JPH3: variants seen among roughly 807,000 people sequenced by gnomAD.
JPH3 encodes the protein junctophilin-3.
A neutral mutation model predicts 59.6 loss-of-function variants in JPH3; 11 were observed. That is an observed-to-expected ratio of 0.18 (90% CI 0.12 to 0.31). The LOEUF (loss-of-function observed/expected upper bound fraction) is 0.31. Among genes scored for constraint, JPH3 ranks in the 10% least tolerant of loss-of-function variants. The probability of loss-of-function intolerance (pLI) is 1.00; values close to 1 mark genes in which losing one functional copy is unlikely to be tolerated. For missense variants in JPH3, 1,202 were observed against 1,105.7 expected (o/e 1.09, Z -1.24); for synonymous variants, 673 against 483.6 (o/e 1.39, Z -5.14).
At position 87,615,493 on chromosome 16, in the gene JPH3, C is replaced by T. The variant is rs183635156; in HGVS notation, c.382+11965C>T. Reference sequence around the variant, plus strand: ...CCTGCCCAGTGAGTGGGGCCGGGCCCTGGAGCTTTCCCTGTTCATTTGTTT... The same window carrying T: ...CCTGCCCAGTGAGTGGGGCCGGGCCTTGGAGCTTTCCCTGTTCATTTGTTT... On this transcript the variant is annotated intron_variant, in intron 1 of 4. Transcript: ENST00000284262. Among the ~76,000 whole-genome samples, 385 of 152,324 alleles carry T rather than the reference C, an allele frequency of 2.5e-3. 3 individuals carry two copies. Among genetic ancestry groups the T allele is most frequent in the Admixed American group, 8.6e-3 (131 of 15,304 alleles).
At chr16:87,619,757 A>G (rs890398426) in intron 1 of JPH3, among the ~76,000 whole-genome samples, 6 of 152,250 alleles carry the variant, frequency 3.9e-5, no homozygotes, top group African/African-American at 1.4e-4. Context: ...CCCTGGGGAC[A>G]GTGGTGAACA....
intron 1 of JPH3, among the ~76,000 whole-genome samples, chr16:87,636,465 C>G (rs1178048464): frequency 1.3e-5 from 2 of 152,160 alleles, no homozygotes; most frequent in African/African-American, 4.8e-5. Flanking sequence ...TATTGAGCAA[C>G]CGAGGGAGCG....
chr16:87,664,737 C>G (rs2032809789), intron 2 of JPH3, among the ~76,000 whole-genome samples: 3 of 152,206 alleles, frequency 2.0e-5, no homozygotes, highest in South Asian at 4.1e-4. Context: ...CCCTCCTTAT[C>G]CTTGCTGCGG....
At chr16:87,651,148 A>T (rs1044625371) in intron 2 of JPH3, among the ~76,000 whole-genome samples, 5 of 152,220 alleles carry the variant, frequency 3.3e-5, no homozygotes, top group Non-Finnish European at 7.3e-5. Flanking sequence ...AAATGGAACA[A>T]CAAAGACCTG....
At chr16:87,662,387 A>C (rs982288825) in intron 2 of JPH3, among the ~76,000 whole-genome samples, 6 of 150,616 alleles carry the variant, frequency 4.0e-5, no homozygotes, top group Non-Finnish European at 8.8e-5. Flanking sequence ...GGACAGCCGG[A>C]TTTTCCCCTC....
rs1054610807 is a variant in JPH3 at position 87,672,185 on chromosome 16, G to C, written c.1161-11957G>C. On this transcript the variant is annotated intron_variant, in intron 2 of 4. Coordinates refer to ENST00000284262, the MANE Select transcript of JPH3 (RefSeq NM_020655.4). ...TCTAAACATAGGCTGTGGCCTGTAG[G>C]TGAGGGGAGGCGGCAGCAAGGAGGG... Among the ~76,000 whole-genome samples, 14 of 152,156 alleles carry C rather than the reference G, an allele frequency of 9.2e-5. 1 individual carries two copies. The highest frequency in any genetic ancestry group is 3.1e-4 in the African/African-American group (13 of 41,424).
At chr16:87,635,357 G>A (rs1225088989) in intron 1 of JPH3, among the ~76,000 whole-genome samples, 1 of 152,182 alleles carries the variant, frequency 6.6e-6, no homozygotes, top group Non-Finnish European at 1.5e-5. Context: ...TCAGCTGACG[G>A]GTGGGGCTTC....
At chr16:87,634,542 G>T (rs953523317) in intron 1 of JPH3, among the ~76,000 whole-genome samples, 1 of 152,218 alleles carries the variant, frequency 6.6e-6, no homozygotes, top group Non-Finnish European at 1.5e-5. Flanking sequence ...GGTGGGAAGG[G>T]GTCCCTGCAG....
At chr16:87,649,199 C>G (rs1031163229) in intron 2 of JPH3, among the ~76,000 whole-genome samples, 2 of 152,196 alleles carry the variant, frequency 1.3e-5, no homozygotes, top group African/African-American at 4.8e-5. Flanking sequence ...TCTTCTGTGT[C>G]ATTCTCCTGT....
chr16:87,661,036 T>A (rs2032685506), intron 2 of JPH3, among the ~76,000 whole-genome samples: 1 of 152,236 alleles, frequency 6.6e-6, no homozygotes, highest in African/African-American at 2.4e-5. Flanking sequence ...ATCGTGAGGA[T>A]GGGACCCAAG....
At chr16:87,608,861 AC>A (rs1420345210) in intron 1 of JPH3, among the ~76,000 whole-genome samples, 1 of 151,928 alleles carries the variant, frequency 6.6e-6, no homozygotes, top group Non-Finnish European at 1.5e-5. Context: ...ACATTGTGAG[AC>A]CCCCGTCTCT....
chr16:87,612,690 C>A (rs538990076), intron 1 of JPH3, among the ~76,000 whole-genome samples: 1 of 152,082 alleles, frequency 6.6e-6, no homozygotes, highest in Non-Finnish European at 1.5e-5. Flanking sequence ...CACTCTGGGT[C>A]AAGTGGTTCA....
At chr16:87,643,774 G>T (rs866137737) in intron 1 of JPH3, among the ~76,000 whole-genome samples, 8 of 152,184 alleles carry the variant, frequency 5.3e-5, no homozygotes, top group Admixed American at 1.3e-4. Flanking sequence ...TTCAAAAACA[G>T]CCACTGGTGA....
rs767830500 is a variant in JPH3, at chr16:87,644,477, A to G, written c.602A>G (p.His201Arg). Residue 201 changes from histidine to arginine, a missense_variant, in exon 2 of 5, where the codon CAC becomes CGC. Transcript: ENST00000284262. ...CGCGGGGGCTTCGTGCTCGTGGCCC[A>G]CAGTGACTCCGAGATCCTCAAGAGC... is the stretch of plus-strand genomic sequence containing the variant. ...VSRGGFVLVA[H>R]SDSEILKSKK... 2 of 1,612,804 alleles carry G rather than the reference A, an allele frequency of 1.2e-6. No individual in the cohort carries two copies. Among genetic ancestry groups the G allele is most frequent in the South Asian group, 1.1e-5 (1 of 91,078 alleles).
intron 2 of JPH3, among the ~76,000 whole-genome samples, chr16:87,668,252 C>G (rs1250918192): frequency 6.6e-6 from 1 of 152,202 alleles, no homozygotes; most frequent in East Asian, 1.9e-4. Flanking sequence ...GGAGCCGGCA[C>G]ATGCGTCTGA....
intron 1 of JPH3, among the ~76,000 whole-genome samples, chr16:87,642,136 C>T (rs2031974506): frequency 6.6e-6 from 1 of 151,990 alleles, no homozygotes; most frequent in Non-Finnish European, 1.5e-5. Flanking sequence ...TGTGGGGATA[C>T]CCTGGGGACG....
At chr16:87,650,082 A>G (rs546116679) in intron 2 of JPH3, among the ~76,000 whole-genome samples, 39 of 152,324 alleles carry the variant, frequency 2.6e-4, no homozygotes, top group Non-Finnish European at 4.4e-4. Flanking sequence ...TGCTTTGCAG[A>G]CGCTGTGTTT....
chr16:87,695,139 C>G (rs926839520), intron 4 of JPH3: 2 of 360,936 alleles, frequency 5.5e-6, no homozygotes, highest in South Asian at 4.1e-5. Context: ...GAGCCAGCAG[C>G]AGCTGCTTCG....
intron 1 of JPH3, among the ~76,000 whole-genome samples, chr16:87,629,108 T>G (rs2031479133): frequency 6.6e-6 from 1 of 152,046 alleles, no homozygotes; most frequent in Non-Finnish European, 1.5e-5. Flanking sequence ...CTGTGTGGCC[T>G]TGGGCAAGTG....
Sources: gnomAD v4.1 joint callset for allele counts (sites outside exome capture counted in the v4.1 genomes callset) on GRCh38, gnomAD v4.1.1 for gene constraint, MANE v1.5 for transcripts, NCBI Gene and HGNC (gene_info 2026-07-23, HGNC 2026-07-21) for gene names.